The following ERGIC3 variants were observed in gnomAD, a reference collection of about 807,000 sequenced individuals.
The protein encoded by ERGIC3 is endoplasmic reticulum-Golgi intermediate compartment protein 3.
In ERGIC3, 33 loss-of-function variants were observed where a neutral mutation model predicts 54.7. The observed-to-expected ratio is 0.60, with a 90% CI of 0.46 to 0.81. The LOEUF is 0.81. Among genes scored for constraint, ERGIC3 ranks in the 30% least tolerant of loss-of-function variants. ERGIC3 has a pLI of 0.00. For missense variants in ERGIC3, 399 were observed against 488.4 expected, an observed-to-expected ratio of 0.82 and a Z score of 1.73; for synonymous variants, 186 against 189.8, an observed-to-expected ratio of 0.98 and a Z score of 0.16.
intron 7 of ERGIC3, among the ~76,000 whole-genome samples, chr20:35,553,007 T>C (rs549232114): frequency 1.4e-5 from 2 of 142,050 alleles, no homozygotes; most frequent in East Asian, 4.2e-4. Flanking sequence ...TGCCCTGAGC[T>C]TCAAAGCTGG....
At chr20:35,554,180 T>C (rs566545153) in intron 7 of ERGIC3, among the ~76,000 whole-genome samples, 1 of 152,302 alleles carries the variant, frequency 6.6e-6, no homozygotes, top group African/African-American at 2.4e-5. Context: ...TCTAGGCCAC[T>C]ATTTTGCTCC....
intron 7 of ERGIC3, among the ~76,000 whole-genome samples, chr20:35,553,356 T>C (rs2064692996): frequency 6.6e-6 from 1 of 151,846 alleles, no homozygotes; most frequent in Admixed American, 6.6e-5. Flanking sequence ...GACTTCTCTT[T>C]AGGCCAGGGA....
At chr20:35,545,036 C>G (rs1381687109) in intron 4 of ERGIC3, 1 of 152,218 alleles carries the variant, frequency 6.6e-6, no homozygotes. Context: ...CTCCTGACCT[C>G]AGGTGATCCA....
chr20:35,542,434 C>T (rs2064619319), intron 2 of ERGIC3, 41 bp downstream of exon 2: 1 of 1,613,664 alleles, frequency 6.2e-7, no homozygotes, highest in Non-Finnish European at 8.5e-7. Context: ...GCTTGGCATT[C>T]TAGGAGTAGG....
intron 4 of ERGIC3, chr20:35,545,312 C>T (rs1372090300): frequency 6.6e-6 from 1 of 151,756 alleles, no homozygotes; most frequent in East Asian, 2.0e-4. Flanking sequence ...AGTCCCAGCA[C>T]TTTTGGAGGC....
chr20:35,549,048 G>A (rs1218454350), intron 7 of ERGIC3, 183 bp downstream of exon 7: 20 of 710,342 alleles, frequency 2.8e-5, no homozygotes, highest in Non-Finnish European at 5.2e-5. Context: ...CAGACTGCCT[G>A]CATTCAGATA....
chr20:35,549,575 A>G (rs778454363), intron 7 of ERGIC3: 4 of 180,654 alleles, frequency 2.2e-5, no homozygotes, highest in Admixed American at 1.2e-4. Flanking sequence ...CCAATTAACA[A>G]TGGTTCAGCT....
At chr20:35,552,970 A>G (rs1190371568) in intron 7 of ERGIC3, among the ~76,000 whole-genome samples, 1 of 146,434 alleles carries the variant, frequency 6.8e-6, no homozygotes, top group South Asian at 2.2e-4. Context: ...ATCGATATCT[A>G]GGTGACTGAA....
intron 7 of ERGIC3, chr20:35,554,406 T>C (rs748331214): frequency 5.6e-6 from 9 of 1,613,958 alleles, no homozygotes; most frequent in African/African-American, 1.3e-5. Context: ...CCTGCCCCCA[T>C]GGAGGCCAAA....
chr20:35,553,020 A>ATTGTTTTTTTTTTTTTTTTTTTTT (rs2064689768), intron 7 of ERGIC3, among the ~76,000 whole-genome samples: 1 of 41,552 alleles, frequency 2.4e-5, no homozygotes, highest in Admixed American at 4.5e-4. Context: ...AAAGCTGGGG[A>ATTGTTTTTTTTTTTTTTTTTTTTT]TTTTTTTTTT....
Position 35,548,634 on chromosome 20 carries a change from A to G in ERGIC3, c.587A>G (p.Asn196Ser). ...GFSQKMQEQK[N>S]EGCQVYGFLE... ...AGCCAGAAGATGCAGGAGCAGAAGA[A>G]TGAAGGCTGCCAGGTGTATGGCTTC... Residue 196 changes from asparagine to serine, a missense_variant, in exon 6 of 13, where the codon AAT becomes AGT. Asn to Ser is a conservative substitution (Grantham distance 46, BLOSUM62 1). Coordinates refer to ENST00000348547, the MANE Select transcript of ERGIC3 (RefSeq NM_015966.3). The G allele has an allele frequency of 6.2e-7, 1 of 1,614,260 alleles. No individual in the cohort carries two copies. Among genetic ancestry groups the G allele is most frequent in the Non-Finnish European group, 8.5e-7 (1 of 1,180,042 alleles).
In ERGIC3 at chr20:35,557,161, A is replaced by T. The variant is rs753548653; in HGVS notation, c.1017-33A>T. 34 of 1,614,024 alleles carry T rather than the reference A, an allele frequency of 2.1e-5. No homozygotes were observed. The Admixed American group carries it at 5.3e-4, about 25-fold the overall frequency. ...GGGGGCCTGGGCCTGAGGGAGGAGG[A>T]TGCCTGCTGAGCCCACCCTCTCCTT... On this transcript the variant is annotated intron_variant, in intron 11 of 12. Transcript: ENST00000348547.
At position 35,557,363 on chromosome 20, in the gene ERGIC3, G is replaced by C. The variant is rs184282408; in HGVS notation, c.1073-62G>C. The C allele has an allele frequency of 1.8e-4, 286 of 1,608,740 alleles. 2 individuals are homozygous for C. The East Asian group carries it at 6.3e-3, about 35-fold the overall frequency. ...CTGGCCTGGCCAGTTAAGTGACAAG[G>C]CTCTCAGCGTCAAAAGCCAAGGCCC... On this transcript the variant is annotated intron_variant, in intron 12 of 12. Transcript: ENST00000348547.
At chr20:35,543,782 G>A (rs1285799404) in intron 4 of ERGIC3, 14 of 457,998 alleles carry the variant, frequency 3.1e-5, no homozygotes, top group Non-Finnish European at 6.4e-5. Context: ...AATGACTTGA[G>A]ATGGAGATGA....
chr20:35,542,092 G>A lies in ERGIC3; in HGVS notation c.-6G>A. 6.5e-7 allele frequency: 1 copy of A among 1,531,832 alleles called. No individual in the cohort carries two copies. The highest frequency in any genetic ancestry group is 8.8e-7 in the Non-Finnish European group (1 of 1,141,522). The allele number at this position is 1,531,832 out of a possible 1,614,324, so 94.9% of individuals were successfully genotyped here. A position where few individuals can be genotyped will look rare whatever the true frequency, so the allele number is the denominator to read the frequency against. On this transcript the variant is annotated 5_prime_UTR_variant, in exon 1 of 13. Transcript: ENST00000348547. ...CCGGCTGGCGTCCCCTTTCCGGCCGGTCCCCATGGAGGCGCTGGGGAAGCT... is the reference window on the plus strand; with the variant it reads ...CCGGCTGGCGTCCCCTTTCCGGCCGATCCCCATGGAGGCGCTGGGGAAGCT...
intron 5 of ERGIC3, among the ~76,000 whole-genome samples, chr20:35,548,216 C>T (rs1320019569): frequency 6.6e-6 from 1 of 152,144 alleles, no homozygotes; most frequent in Non-Finnish European, 1.5e-5. Context: ...TGGCTTACAC[C>T]TGTAATCCGT....
intron 7 of ERGIC3, chr20:35,554,265 T>A: frequency 7.0e-7 from 1 of 1,432,992 alleles, no homozygotes; most frequent in Non-Finnish European, 9.9e-7. Flanking sequence ...ACTGTGTTGC[T>A]GAGGCTGAAT....
intron 4 of ERGIC3, 120 bp downstream of exon 4, chr20:35,543,061 C>A: frequency 6.8e-7 from 1 of 1,480,538 alleles, no homozygotes; most frequent in Non-Finnish European, 9.2e-7. Flanking sequence ...CTAGAGAAGT[C>A]AAGTGACTTG....
At chr20:35,548,385 T>G in intron 5 of ERGIC3, 124 bp from the exon 6 acceptor site, 1 of 977,284 alleles carries the variant, frequency 1.0e-6, no homozygotes, top group Non-Finnish European at 1.5e-6. Context: ...GAATGTTTGG[T>G]GGTCAGGGAT....
Sources: allele counts gnomAD v4.1 joint callset (sites outside exome capture counted in the v4.1 genomes callset), GRCh38; gene constraint gnomAD v4.1.1; transcripts MANE v1.5; gene names NCBI Gene and HGNC (gene_info 2026-07-23, HGNC 2026-07-21).